C8A: variants seen among roughly 807,000 people sequenced by gnomAD.
C8A encodes complement component C8 alpha chain.
A neutral mutation model predicts 65.3 loss-of-function variants in C8A; 67 were observed. That is an observed-to-expected ratio of 1.03 (90% CI 0.84 to 1.26). C8A has a LOEUF of 1.26. Ranked by LOEUF, C8A falls within the 50% of genes most tolerant of loss-of-function variation. C8A has a pLI of 0.00. For missense variants in C8A, 781 were observed against 723.9 expected (o/e 1.08, Z -0.90); for synonymous variants, 290 against 259.4 (o/e 1.12, Z -1.13).
intron 9 of C8A, 100 bp from the exon 10 acceptor site, chr1:56,912,303 G>T (rs2101310155): frequency 1.9e-6 from 2 of 1,031,056 alleles, no homozygotes; most frequent in Middle Eastern, 2.9e-4. Context: ...TCTGTGCCTG[G>T]CATGTATCAG....
In C8A at chr1:56,899,089, C is replaced by T. The variant is rs144244244; in HGVS notation, c.1097-7578C>T. Reference sequence around the variant, plus strand: ...CAGTTACCATGACAACCAGTCTTCACGGTGATGGATGGTATTGATTGACTG... The same window carrying T: ...CAGTTACCATGACAACCAGTCTTCATGGTGATGGATGGTATTGATTGACTG... On this transcript the variant is annotated intron_variant, in intron 7 of 10. Transcript: ENST00000361249. Among the ~76,000 whole-genome samples, 665 of 152,258 alleles carry T rather than the reference C, an allele frequency of 4.4e-3. 2 individuals carry two copies. The highest frequency in any genetic ancestry group is 6.6e-3 in the Admixed American group (101 of 15,290).
chr1:56,864,443 T>A (rs74075627), intron 1 of C8A, among the ~76,000 whole-genome samples: 2,773 of 152,144 alleles, frequency 0.018, 114 homozygotes, highest in African/African-American at 0.064. Flanking sequence ...GAGATCCCAA[T>A]GAGGTTCAAG....
intron 1 of C8A, among the ~76,000 whole-genome samples, chr1:56,855,550 G>T (rs72670316): frequency 6.6e-6 from 1 of 151,994 alleles, no homozygotes; most frequent in Admixed American, 6.5e-5. Flanking sequence ...TTTGCTATGG[G>T]ATAATAGAGG....
intron 7 of C8A, among the ~76,000 whole-genome samples, chr1:56,895,044 G>A (rs1557710201): frequency 6.6e-6 from 1 of 152,106 alleles, no homozygotes; most frequent in African/African-American, 2.4e-5. Flanking sequence ...GAATTATATT[G>A]TTATTTTCCC....
At chr1:56,890,277 C>A (rs1185906213) in intron 7 of C8A, among the ~76,000 whole-genome samples, 2 of 152,152 alleles carry the variant, frequency 1.3e-5, no homozygotes, top group Admixed American at 6.6e-5. Flanking sequence ...GGCATCCCCA[C>A]CTCTGTGAAA....
chr1:56,858,943 T>A (rs937047072), intron 1 of C8A, among the ~76,000 whole-genome samples: 2 of 152,254 alleles, frequency 1.3e-5, no homozygotes, highest in African/African-American at 4.8e-5. Context: ...GAAATGGAGA[T>A]AATACATATT....
intron 5 of C8A, among the ~76,000 whole-genome samples, chr1:56,882,992 A>G (rs1644260035): frequency 6.6e-6 from 1 of 152,168 alleles, no homozygotes; most frequent in African/African-American, 2.4e-5. Flanking sequence ...GGCCAAGACC[A>G]TGTCTCAGTT....
chr1:56,902,916 C>T (rs886181556), intron 7 of C8A, among the ~76,000 whole-genome samples: 5 of 151,890 alleles, frequency 3.3e-5, no homozygotes, highest in African/African-American at 4.8e-5. Flanking sequence ...TCTGAGTTTC[C>T]CTAATCTATG....
At chr1:56,886,889 C>A (rs1644304667) in intron 7 of C8A, among the ~76,000 whole-genome samples, 1 of 152,182 alleles carries the variant, frequency 6.6e-6, no homozygotes, top group Admixed American at 6.5e-5. Flanking sequence ...TGGGCCCCAA[C>A]AGTCAGCATA....
Position 56,859,904 on chromosome 1 carries a change from A to T in C8A, c.77+4926A>T, listed in dbSNP as rs555391469. Among the ~76,000 whole-genome samples, 328 of 152,236 alleles carry T rather than the reference A, an allele frequency of 2.2e-3. 1 individual carries two copies. The highest frequency in any genetic ancestry group is 7.6e-3 in the African/African-American group (316 of 41,554). On this transcript the variant is annotated intron_variant, in intron 1 of 10. Transcript: ENST00000361249. Reference sequence around the variant, plus strand: ...TGGTGAAACTCTGTCTCTACTAAAAATACAAAAAATTAGCTGGGCATGGTG... The same window carrying T: ...TGGTGAAACTCTGTCTCTACTAAAATTACAAAAAATTAGCTGGGCATGGTG...
In C8A at chr1:56,875,007, A is replaced by G. The variant is rs1305921899; in HGVS notation, c.230A>G (p.Asp77Gly). ...NKFGGTICSGDIWDQASCSSS... is the reference protein window; with the variant it reads ...NKFGGTICSGGIWDQASCSSS... ...TTTGGGGGAACCATCTGCAGTGGTG[A>G]CATCTGGGATCAAGCCAGCTGCTCC... is the stretch of plus-strand genomic sequence containing the variant. The change falls in exon 3 of 11, where the codon GAC (aspartate) becomes GGC (glycine). Residue 77 changes from aspartate to glycine, a missense_variant. By Grantham distance (94) the Asp-to-Gly change is moderately conservative (BLOSUM62 -1). Coordinates refer to ENST00000361249, the MANE Select transcript of C8A (RefSeq NM_000562.3). 6.2e-7 allele frequency: 1 copy of G among 1,613,782 alleles called. No individual in the cohort carries two copies. The highest frequency in any genetic ancestry group is 8.5e-7 in the Non-Finnish European group (1 of 1,179,838).
chr1:56,912,359 G>A (rs754212849), intron 9 of C8A, 44 bp from the exon 10 acceptor site: 4 of 1,581,530 alleles, frequency 2.5e-6, no homozygotes, highest in East Asian at 2.2e-5. Flanking sequence ...TGGGAAGGTA[G>A]ATAGAGCCCA....
chr1:56,876,921 C>A (rs1041265219), intron 4 of C8A, among the ~76,000 whole-genome samples: 4 of 152,162 alleles, frequency 2.6e-5, no homozygotes, highest in African/African-American at 9.7e-5. Context: ...CCCTTACCCC[C>A]ACATTTATGT....
chr1:56,859,445 A>G (rs933758469), intron 1 of C8A, among the ~76,000 whole-genome samples: 1 of 152,220 alleles, frequency 6.6e-6, no homozygotes, highest in Non-Finnish European at 1.5e-5. Context: ...GGCAGGCTAA[A>G]GAAAGATATC....
At chr1:56,866,198 G>C (rs899550831) in intron 1 of C8A, among the ~76,000 whole-genome samples, 3 of 152,210 alleles carry the variant, frequency 2.0e-5, no homozygotes, top group African/African-American at 7.2e-5. Context: ...TATAGCAACA[G>C]ATTGGATGAA....
intron 7 of C8A, among the ~76,000 whole-genome samples, chr1:56,905,046 T>C (rs928073722): frequency 6.6e-6 from 1 of 151,990 alleles, no homozygotes; most frequent in Non-Finnish European, 1.5e-5. Context: ...TGTTTATCAC[T>C]GTTGAAGCAT....
Position 56,876,198 on chromosome 1 carries a change from G to C in C8A, c.453G>C (p.Lys151Asn). ...ATGAACCAATTCCAGGATCACAGAA[G>C]GCAGCCTTGGGGTGAGGCCCTGCCT... ...SQYEPIPGSQ[K>N]AALGYNILTQ... The change falls in exon 4 of 11, where the codon AAG (lysine) becomes AAC (asparagine). Residue 151 changes from lysine (K) to asparagine (N), a missense_variant. Coordinates refer to ENST00000361249, the MANE Select transcript of C8A (RefSeq NM_000562.3). 1.2e-6 allele frequency: 2 copies of C among 1,613,834 alleles called. No individual in the cohort carries two copies. The highest frequency in any genetic ancestry group is 1.7e-6 in the Non-Finnish European group (2 of 1,179,826).
chr1:56,896,946 C>T (rs1351691527), intron 7 of C8A, among the ~76,000 whole-genome samples: 2 of 152,176 alleles, frequency 1.3e-5, no homozygotes, highest in African/African-American at 2.4e-5. Flanking sequence ...TGGCTGTCCT[C>T]ATTTCACAGA....
intron 10 of C8A, among the ~76,000 whole-genome samples, chr1:56,914,359 C>T (rs1774895): frequency 0.1 from 15,605 of 152,076 alleles, 1,256 homozygotes; most frequent in African/African-American, 0.22. Context: ...AAGGGATGGT[C>T]GGGCAAGACA....
Sources: gnomAD v4.1 joint callset for allele counts (sites outside exome capture counted in the v4.1 genomes callset) on GRCh38, gnomAD v4.1.1 for gene constraint, MANE v1.5 for transcripts, NCBI Gene and HGNC (gene_info 2026-07-23, HGNC 2026-07-21) for gene names.